The following ZNF804A variants were observed in gnomAD, a reference collection of about 807,000 sequenced individuals.
ZNF804A encodes the protein zinc finger protein 804A.
In ZNF804A, 2 loss-of-function variants were observed where a neutral mutation model predicts 16.5. The ratio of observed to expected loss-of-function variants is 0.12; its 90% CI spans 0.05 to 0.38. The LOEUF (loss-of-function observed/expected upper bound fraction) is 0.38. Ranked by LOEUF, ZNF804A falls within the 10% of genes least tolerant of loss-of-function variation. ZNF804A has a pLI of 0.99. For synonymous variants in ZNF804A, 534 were observed against 489.6 expected, an observed-to-expected ratio of 1.09 and a Z score of -1.20; for missense variants, 1,473 against 1,390.7, an observed-to-expected ratio of 1.06 and a Z score of -0.94.
intron 1 of ZNF804A, among the ~76,000 whole-genome samples, chr2:184,832,846 G>A (rs1413118816): frequency 6.6e-6 from 1 of 151,794 alleles, no homozygotes; most frequent in African/African-American, 2.4e-5. Flanking sequence ...TCTATATTTA[G>A]TTGTTGCTTC....
chr2:184,818,693 A>C (rs1027449231), intron 1 of ZNF804A, among the ~76,000 whole-genome samples: 1 of 152,094 alleles, frequency 6.6e-6, no homozygotes, highest in South Asian at 2.1e-4. Flanking sequence ...TAGGCTCAAA[A>C]AAAAGGGATA....
intron 1 of ZNF804A, 52 bp from the exon 2 acceptor site, chr2:184,866,317 G>A: frequency 1.9e-6 from 3 of 1,584,912 alleles, no homozygotes; most frequent in South Asian, 2.2e-5. Context: ...CTAAAACAAA[G>A]TAAACACAGG....
At chr2:184,658,785 C>A (rs1692121816) in intron 1 of ZNF804A, among the ~76,000 whole-genome samples, 1 of 152,174 alleles carries the variant, frequency 6.6e-6, no homozygotes, top group Admixed American at 6.5e-5. Flanking sequence ...AAAGGAGAAT[C>A]TTTTCAGGTT....
chr2:184,652,346 A>G (rs748233367), intron 1 of ZNF804A, among the ~76,000 whole-genome samples: 2 of 152,130 alleles, frequency 1.3e-5, no homozygotes, highest in Non-Finnish European at 2.9e-5. Flanking sequence ...TATGTTCAGT[A>G]CCTGCATGGT....
At chr2:184,759,702 C>A (rs942534674) in intron 1 of ZNF804A, among the ~76,000 whole-genome samples, 3 of 151,950 alleles carry the variant, frequency 2.0e-5, no homozygotes, top group African/African-American at 7.2e-5. Flanking sequence ...CCTGAAGTAA[C>A]TGAAGAATCA....
intron 1 of ZNF804A, among the ~76,000 whole-genome samples, chr2:184,669,764 G>GCACA (rs774466491): frequency 4.7e-5 from 2 of 42,118 alleles, no homozygotes; most frequent in Non-Finnish European, 6.9e-5. Flanking sequence ...ACACACACAC[G>GCACA]CACACACACA....
intron 1 of ZNF804A, among the ~76,000 whole-genome samples, chr2:184,744,933 T>C (rs1693765904): frequency 1.3e-5 from 2 of 151,964 alleles, no homozygotes. Context: ...AAAAAAGTAT[T>C]TCAGACAATA....
In ZNF804A at chr2:184,763,630, C is replaced by CTTTTTTTTTTTTTTTTTTT. The variant is rs1188087789; in HGVS notation, c.112-102725_112-102707dup. ...TGCTTTACTTTTTTTCTTCAAAGTG[C>CTTTTTTTTTTTTTTTTTTT]TTTTTTTTTTTTTTTTTTTTTTTTT... On this transcript the variant is annotated intron_variant, in intron 1 of 3. Coordinates refer to ENST00000302277, the MANE Select transcript of ZNF804A (RefSeq NM_194250.2). Among the ~76,000 whole-genome samples the CTTTTTTTTTTTTTTTTTTT allele has an allele frequency of 1.9e-4, 4 of 21,256 alleles. 1 individual carries two copies. Among genetic ancestry groups the CTTTTTTTTTTTTTTTTTTT allele is most frequent in the Non-Finnish European group, 1.6e-4 (2 of 12,840 alleles). 13.9% of individuals were successfully genotyped at this position (21,256 alleles called of 152,430 possible).
rs1025930373 is a variant in ZNF804A, at chr2:184,808,372, G to T, written c.112-57997G>T. On this transcript the variant is annotated intron_variant, in intron 1 of 3. Coordinates refer to ENST00000302277, the MANE Select transcript of ZNF804A (RefSeq NM_194250.2). ...TATGTCTAATTTTCAGTGGTTAGAA[G>T]ATTGGATTGATTTGGGCTCAAGTTC... Among the ~76,000 whole-genome samples the T allele has an allele frequency of 1.8e-4, 27 of 151,552 alleles. 1 individual carries two copies. Among genetic ancestry groups the T allele is most frequent in the African/African-American group, 6.5e-4 (27 of 41,416 alleles).
At chr2:184,716,534 A>G (rs1158088971) in intron 1 of ZNF804A, among the ~76,000 whole-genome samples, 1 of 152,164 alleles carries the variant, frequency 6.6e-6, no homozygotes, top group African/African-American at 2.4e-5. Context: ...TCCTGATGGC[A>G]GTAATGTGCT....
At chr2:184,908,877 G>A (rs1037557806) in intron 2 of ZNF804A, among the ~76,000 whole-genome samples, 1 of 152,018 alleles carries the variant, frequency 6.6e-6, no homozygotes, top group Non-Finnish European at 1.5e-5. Flanking sequence ...ATCCAGTAAA[G>A]GATTAAAGAA....
chr2:184,883,387 A>G (rs1684839141), intron 2 of ZNF804A, among the ~76,000 whole-genome samples: 1 of 152,098 alleles, frequency 6.6e-6, no homozygotes, highest in Non-Finnish European at 1.5e-5. Context: ...ATTATTACAA[A>G]AGAATGAGGA....
chr2:184,938,677 CTG>C lies in ZNF804A; in HGVS notation c.3283_3284del (p.Val1095AsnfsTer28). 1 of 1,613,942 alleles carries C rather than the reference CTG, an allele frequency of 6.2e-7. No individual in the cohort carries two copies. Among genetic ancestry groups the C allele is most frequent in the Non-Finnish European group, 8.5e-7 (1 of 1,179,948 alleles). ...TTGCAGCAGTCCTTATGTTCTACCTCTGTAACCACTATCCATCACACTGTTTT... is the reference window on the plus strand; with the variant it reads ...TTGCAGCAGTCCTTATGTTCTACCTCTAACCACTATCCATCACACTGTTTT... On this transcript the variant is annotated frameshift_variant, in exon 4 of 4. Coordinates refer to ENST00000302277, the MANE Select transcript of ZNF804A (RefSeq NM_194250.2). LOFTEE classifies it low-confidence loss of function (END_TRUNC).
intron 1 of ZNF804A, among the ~76,000 whole-genome samples, chr2:184,738,049 C>T (rs568213222): frequency 4.6e-5 from 7 of 151,246 alleles, no homozygotes; most frequent in Admixed American, 4.6e-4. Flanking sequence ...TCACTTGAAC[C>T]TGGGAGGCGG....
At chr2:184,890,062 A>G (rs1267609089) in intron 2 of ZNF804A, among the ~76,000 whole-genome samples, 1 of 152,104 alleles carries the variant, frequency 6.6e-6, no homozygotes, top group Non-Finnish European at 1.5e-5. Context: ...CACTTTAGTG[A>G]TATTCCTTGG....
intron 1 of ZNF804A, among the ~76,000 whole-genome samples, chr2:184,634,342 C>T (rs1404503451): frequency 1.3e-5 from 2 of 152,156 alleles, no homozygotes; most frequent in African/African-American, 2.4e-5. Flanking sequence ...TTGCCCCCCT[C>T]AGATGTCCAC....
chr2:184,823,468 A>G (rs918588998), intron 1 of ZNF804A, among the ~76,000 whole-genome samples: 3 of 152,170 alleles, frequency 2.0e-5, no homozygotes, highest in Admixed American at 1.3e-4. Context: ...TGTTACTGAT[A>G]GTAGTATTCC....
chr2:184,698,483 T>G (rs1373784178), intron 1 of ZNF804A, among the ~76,000 whole-genome samples: 1 of 152,104 alleles, frequency 6.6e-6, no homozygotes, highest in Non-Finnish European at 1.5e-5. Context: ...TTATTCCGCC[T>G]TAACCTTTGT....
intron 1 of ZNF804A, among the ~76,000 whole-genome samples, chr2:184,646,918 T>C (rs1691886028): frequency 6.6e-6 from 1 of 152,094 alleles, no homozygotes; most frequent in Non-Finnish European, 1.5e-5. Context: ...ACCTGGGGAG[T>C]GAGCAGGGAG....
Sources: allele counts gnomAD v4.1 joint callset (sites outside exome capture counted in the v4.1 genomes callset), GRCh38; gene constraint gnomAD v4.1.1; transcripts MANE v1.5; gene names NCBI Gene and HGNC (gene_info 2026-07-23, HGNC 2026-07-21).